Variants in RIF1 observed in about 807,000 individuals in gnomAD.
RIF1 encodes telomere-associated protein RIF1.
A neutral mutation model predicts 247.1 loss-of-function variants in RIF1; 45 were observed. That is an observed-to-expected ratio of 0.18 (90% CI 0.14 to 0.23). The LOEUF is 0.23. RIF1 is among the 10% of genes least tolerant of loss of function. The pLI, the probability that RIF1 is intolerant of heterozygous loss-of-function variation, is 1.00. For synonymous variants in RIF1, 1,087 were observed against 978.8 expected (o/e 1.11, Z -2.06); for missense variants, 2,967 against 2,862.5 (o/e 1.04, Z -0.83).
intron 13 of RIF1, among the ~76,000 whole-genome samples, chr2:151,437,959 G>GA (rs904343832): frequency 2.6e-5 from 4 of 152,180 alleles, no homozygotes; most frequent in African/African-American, 9.6e-5. Context: ...ATGAGGAAAG[G>GA]AAATTTCAAA....
intron 24 of RIF1, 70 bp downstream of exon 24, chr2:151,458,033 C>CA (rs35044903): frequency 0.71 from 771,158 of 1,085,194 alleles, 278,893 homozygotes; most frequent in East Asian, 0.8. Context: ...TACTTTGATT[C>CA]AAATAATCTT....
chr2:151,474,647 G>A (rs1001382095), intron 35 of RIF1, among the ~76,000 whole-genome samples: 8 of 152,304 alleles, frequency 5.3e-5, no homozygotes, highest in Admixed American at 3.9e-4. Flanking sequence ...CTGCACTCCA[G>A]CCTGGGCAAT....
chr2:151,518,289 A>T, the RIF1 span: 7 of 1,480,754 alleles, frequency 4.7e-6, no homozygotes, highest in Non-Finnish European at 6.6e-6. Flanking sequence ...AATGTGCGCC[A>T]GAGGAAAAAT....
chr2:151,516,698 A>G, the RIF1 span: 13 of 674,250 alleles, frequency 1.9e-5, no homozygotes, highest in Non-Finnish European at 3.4e-5. Flanking sequence ...GTTTCCTGTT[A>G]TGTTTCAGAT....
intron 10 of RIF1, chr2:151,497,600 G>GT (rs749958402): frequency 5.2e-6 from 8 of 1,547,732 alleles, no homozygotes; most frequent in African/African-American, 4.1e-5. Flanking sequence ...TAAATAAGTA[G>GT]TTTTTTTCTT....
chr2:151,489,879 TAA>T, intron 9 of RIF1: 2 of 944,522 alleles, frequency 2.1e-6, no homozygotes, highest in Non-Finnish European at 3.3e-6. Context: ...AAGGTTTGGT[TAA>T]AAAAAACCGT....
intron 8 of RIF1, among the ~76,000 whole-genome samples, chr2:151,426,707 G>A (rs1689164840): frequency 6.7e-6 from 1 of 149,260 alleles, no homozygotes; most frequent in Non-Finnish European, 1.5e-5. Context: ...CTGTTGTCCT[G>A]GCTATATTGG....
chr2:151,449,937 G>A (rs1693994175), intron 20 of RIF1, among the ~76,000 whole-genome samples: 1 of 151,820 alleles, frequency 6.6e-6, no homozygotes, highest in Non-Finnish European at 1.5e-5. Flanking sequence ...CTGCCTCCGG[G>A]TTCAAGTGAT....
the RIF1 span, among the ~76,000 whole-genome samples, chr2:151,515,413 A>C: frequency 1.3e-5 from 2 of 152,058 alleles, no homozygotes; most frequent in Admixed American, 1.3e-4. Flanking sequence ...GGGTCTTGCT[A>C]TGATGCCCAG....
Position 151,462,864 on chromosome 2 carries a change from A to G in RIF1, c.3364-20A>G. On this transcript the variant is annotated intron_variant, in intron 29 of 35. Transcript: ENST00000444746. ...GTTATTAATCTGTGTGTGTATATAT[A>G]TGTATATATTTCTGTGCAGGAGGAG... The G allele has an allele frequency of 6.7e-7, 1 of 1,495,878 alleles. No individual in the cohort carries two copies. The highest frequency in any genetic ancestry group is 9.1e-7 in the Non-Finnish European group (1 of 1,098,964). 92.7% of individuals were successfully genotyped at this position (1,495,878 alleles called of 1,614,324 possible). A position where few individuals can be genotyped will look rare whatever the true frequency, so the allele number is the denominator to read the frequency against.
intron 9 of RIF1, chr2:151,491,275 G>C (rs1353325585): frequency 1.9e-5 from 3 of 161,034 alleles, no homozygotes; most frequent in African/African-American, 7.2e-5. Flanking sequence ...ATGAAAAGAA[G>C]GAATGAAGTT....
intron 34 of RIF1, among the ~76,000 whole-genome samples, chr2:151,470,571 G>A (rs1422747777): frequency 6.6e-6 from 1 of 152,066 alleles, no homozygotes; most frequent in Non-Finnish European, 1.5e-5. Flanking sequence ...TTCAAATTTT[G>A]GATTCCATTC....
chr2:151,420,664 AT>A (rs1688009722), intron 7 of RIF1, among the ~76,000 whole-genome samples: 1 of 149,792 alleles, frequency 6.7e-6, no homozygotes, highest in South Asian at 2.1e-4. Flanking sequence ...TTGACCAGAA[AT>A]TTGAGGCTGC....
the RIF1 span, among the ~76,000 whole-genome samples, chr2:151,530,468 G>A: frequency 1.2e-4 from 19 of 152,148 alleles, no homozygotes; most frequent in African/African-American, 4.1e-4. Flanking sequence ...AAACTGTTCC[G>A]AGGGAGCCAT....
chr2:151,428,114 A>G (rs1169475155), intron 8 of RIF1, among the ~76,000 whole-genome samples: 2 of 152,158 alleles, frequency 1.3e-5, no homozygotes, highest in East Asian at 3.9e-4. Flanking sequence ...CAGTAATCCC[A>G]GCTACTTGGA....
intron 30 of RIF1, 72 bp downstream of exon 30, chr2:151,466,192 T>C (rs1574140483): frequency 2.5e-6 from 2 of 792,584 alleles, no homozygotes; most frequent in East Asian, 2.5e-5. Flanking sequence ...CAGTGACCTC[T>C]GGTGAATGAC....
intron 10 of RIF1, among the ~76,000 whole-genome samples, chr2:151,434,685 C>T (rs1690828084): frequency 6.6e-6 from 1 of 152,080 alleles, no homozygotes; most frequent in Non-Finnish European, 1.5e-5. Context: ...TGTGATCTGC[C>T]TGCCTCGGCC....
At chr2:151,503,502 G>T in intron 12 of RIF1, 1 of 1,110,274 alleles carries the variant, frequency 9.0e-7, no homozygotes, top group Non-Finnish European at 1.4e-6. Flanking sequence ...TTAGATAGCA[G>T]CCACATGTGG....
intron 4 of RIF1, among the ~76,000 whole-genome samples, chr2:151,415,963 A>G (rs1330192972): frequency 6.6e-6 from 1 of 152,212 alleles, no homozygotes; most frequent in Non-Finnish European, 1.5e-5. Flanking sequence ...GAATATGCTG[A>G]ATTGAAAAGT....
Sources: allele counts gnomAD v4.1 joint callset (sites outside exome capture counted in the v4.1 genomes callset), GRCh38; gene constraint gnomAD v4.1.1; transcripts MANE v1.5; gene names NCBI Gene and HGNC (gene_info 2026-07-23, HGNC 2026-07-21).